Variants in SENP6 observed in about 807,000 individuals in gnomAD.
SENP6 encodes sentrin-specific protease 6.
Under a neutral mutation model 134.5 loss-of-function variants are expected in SENP6, and 41 were observed. That is an observed-to-expected ratio of 0.30 (90% CI 0.24 to 0.40). The LOEUF (loss-of-function observed/expected upper bound fraction) is 0.40, where lower values mean the gene tolerates loss of function less well. Among genes scored for constraint, SENP6 ranks in the 10% least tolerant of loss-of-function variants. The pLI, the probability that SENP6 is intolerant of heterozygous loss-of-function variation, is 1.00. For missense variants in SENP6, 1,248 were observed against 1,312.5 expected, an observed-to-expected ratio of 0.95 and a Z score of 0.76; for synonymous variants, 395 against 429.8, an observed-to-expected ratio of 0.92 and a Z score of 1.00.
At chr6:75,613,347 A>G (rs2149822040) in intron 1 of SENP6, among the ~76,000 whole-genome samples, 1 of 152,304 alleles carries the variant, frequency 6.6e-6, no homozygotes, top group Non-Finnish European at 1.5e-5. Flanking sequence ...CTGCCTTCTC[A>G]TTGAAATGGC....
chr6:75,648,700 T>C (rs1562004293), intron 7 of SENP6, among the ~76,000 whole-genome samples: 1 of 152,256 alleles, frequency 6.6e-6, no homozygotes, highest in Non-Finnish European at 1.5e-5. Flanking sequence ...TTAGTAATAG[T>C]GACTACTCTC....
In SENP6 at chr6:75,678,609, T is replaced by C. The variant is rs1773252705; in HGVS notation, c.1875T>C (p.Leu625=). The C allele has an allele frequency of 4.4e-6, 7 of 1,579,898 alleles. No homozygotes were observed. The East Asian group carries it at 1.6e-4, about 35-fold the overall frequency. The change falls in exon 15 of 24, where the codon CTT becomes CTC. Residue 625 remains leucine, a synonymous_variant. Coordinates refer to ENST00000447266, the MANE Select transcript of SENP6 (RefSeq NM_015571.4). Reference sequence around the variant, plus strand: ...TATCATTTGAATCTAAAATACAACTTAGAAGCAAACAAGAATTTCAGTTTT... The same window carrying C: ...TATCATTTGAATCTAAAATACAACTCAGAAGCAAACAAGAATTTCAGTTTT... The part of the protein sequence containing the change: ...KTVSFESKIQ[L]RSKQEFQFFD...
chr6:75,673,028 T>C (rs181250010), intron 11 of SENP6, among the ~76,000 whole-genome samples: 2,314 of 152,086 alleles, frequency 0.015, 58 homozygotes, highest in African/African-American at 0.053. Context: ...GGGGTTTCAC[T>C]GTGTTAGCCA....
In SENP6 at chr6:75,717,899, T is replaced by C. The variant is rs1044811543; in HGVS notation, c.*2305T>C. 3 of 152,192 alleles carry C rather than the reference T, an allele frequency of 2.0e-5. No individual in the cohort carries two copies. The highest frequency in any genetic ancestry group is 1.3e-4 in the Admixed American group (2 of 15,270). The allele number at this position is 152,192 out of a possible 1,614,324, so 9.4% of individuals were successfully genotyped here. A position where few individuals can be genotyped will look rare whatever the true frequency, so the allele number is the denominator to read the frequency against. On this transcript the variant is annotated 3_prime_UTR_variant, in exon 24 of 24. Coordinates refer to ENST00000447266, the MANE Select transcript of SENP6 (RefSeq NM_015571.4). ...CCATAAAATTTGTATGTCTCAGCTCTTGTTGGTTTAGGAGCAGAAGTGGTG... is the reference window on the plus strand; with the variant it reads ...CCATAAAATTTGTATGTCTCAGCTCCTGTTGGTTTAGGAGCAGAAGTGGTG...
intron 18 of SENP6, chr6:75,697,967 A>C (rs551759366): frequency 6.5e-6 from 1 of 154,012 alleles, no homozygotes; most frequent in East Asian, 1.9e-4. Flanking sequence ...TACTTGAAGC[A>C]GTTTCTGAGT....
chr6:75,612,623 T>C (rs935142183), intron 1 of SENP6, among the ~76,000 whole-genome samples: 1 of 152,110 alleles, frequency 6.6e-6, no homozygotes, highest in African/African-American at 2.4e-5. Flanking sequence ...AGCTGTCTGA[T>C]AACCCCATGA....
intron 5 of SENP6, among the ~76,000 whole-genome samples, chr6:75,638,610 ATATATATATATATTTTTTTTTTTT>A (rs1301012904): frequency 6.1e-5 from 3 of 48,850 alleles, no homozygotes; most frequent in African/African-American, 2.8e-4. Flanking sequence ...ATATATATAT[ATATATATATATATTTTTTTTTTTT>A]TTTTTTTTTT....
intron 7 of SENP6, chr6:75,655,124 T>C (rs1418682909): frequency 6.6e-6 from 1 of 152,176 alleles, no homozygotes; most frequent in Non-Finnish European, 1.5e-5. Context: ...TGAACCAAGA[T>C]CGGTCCTCCT....
At chr6:75,676,075 T>C in intron 13 of SENP6, 21 bp downstream of exon 13, 2 of 1,482,756 alleles carry the variant, frequency 1.3e-6, no homozygotes, top group Non-Finnish European at 1.8e-6. Flanking sequence ...TAAAACAGAT[T>C]ATAATAGATA....
At chr6:75,673,480 T>C (rs1388337134) in intron 11 of SENP6, among the ~76,000 whole-genome samples, 1 of 151,700 alleles carries the variant, frequency 6.6e-6, no homozygotes, top group Non-Finnish European at 1.5e-5. Context: ...CCTGCCACCA[T>C]GCCTGGCTAA....
chr6:75,638,041 T>C (rs919757777), intron 5 of SENP6, among the ~76,000 whole-genome samples: 12 of 152,158 alleles, frequency 7.9e-5, no homozygotes, highest in African/African-American at 2.9e-4. Context: ...TGTGTGTTTT[T>C]AGTAGAGATG....
intron 1 of SENP6, among the ~76,000 whole-genome samples, chr6:75,616,013 T>C (rs1561967069): frequency 6.6e-6 from 1 of 152,226 alleles, no homozygotes; most frequent in Non-Finnish European, 1.5e-5. Context: ...TTTATCTTTT[T>C]TCACTTTTGT....
chr6:75,633,749 T>C, intron 4 of SENP6, 23 bp downstream of exon 4: 1 of 1,571,468 alleles, frequency 6.4e-7, no homozygotes, highest in African/African-American at 1.4e-5. Flanking sequence ...CACCACACAT[T>C]CCTACAGAAA....
intron 19 of SENP6, among the ~76,000 whole-genome samples, chr6:75,705,104 T>C (rs1775300132): frequency 6.6e-6 from 1 of 152,242 alleles, no homozygotes; most frequent in East Asian, 1.9e-4. Context: ...TACATTCCAA[T>C]TAAAGCTTGG....
chr6:75,687,751 C>CTGAT (rs1270458504), intron 16 of SENP6, among the ~76,000 whole-genome samples: 1 of 152,140 alleles, frequency 6.6e-6, no homozygotes. Context: ...ATATTGCTGC[C>CTGAT]TGATCCTTCC....
At chr6:75,685,446 T>A (rs924625902) in intron 16 of SENP6, among the ~76,000 whole-genome samples, 2 of 152,228 alleles carry the variant, frequency 1.3e-5, no homozygotes, top group African/African-American at 4.8e-5. Context: ...TGTTTGCTCT[T>A]GCTTCTCTAG....
intron 10 of SENP6, among the ~76,000 whole-genome samples, chr6:75,669,838 T>A (rs561827202): frequency 6.6e-6 from 1 of 152,356 alleles, no homozygotes; most frequent in African/African-American, 2.4e-5. Flanking sequence ...GCTAAACTGC[T>A]TTTTATGCAT....
chr6:75,702,581 T>C (rs1011034061), intron 18 of SENP6, 64 bp from the exon 19 acceptor site: 70 of 1,354,550 alleles, frequency 5.2e-5, no homozygotes, highest in Non-Finnish European at 7.0e-5. Context: ...TTAATTGATA[T>C]GTATTGCCAA....
At chr6:75,634,679 A>G in intron 4 of SENP6, 28 bp from the exon 5 acceptor site, 3 of 1,293,300 alleles carry the variant, frequency 2.3e-6, no homozygotes, top group Admixed American at 2.5e-5. Context: ...TCCGTGTTCA[A>G]GTTATTTTTT....
Sources: gnomAD v4.1 joint callset for allele counts (sites outside exome capture counted in the v4.1 genomes callset) on GRCh38, gnomAD v4.1.1 for gene constraint, MANE v1.5 for transcripts, NCBI Gene and HGNC (gene_info 2026-07-23, HGNC 2026-07-21) for gene names.